The following FAT3 variants were observed in gnomAD, a reference collection of about 807,000 sequenced individuals.
The protein encoded by FAT3 is protocadherin Fat 3.
FAT3 carries 95 observed loss-of-function variants against 310.2 expected under a neutral mutation model. The ratio of observed to expected loss-of-function variants is 0.31; its 90% CI spans 0.26 to 0.36. The LOEUF is 0.36. FAT3 is among the 10% of genes least tolerant of loss of function. The pLI is 1.00. For missense variants in FAT3, 5,408 were observed against 5,715.6 expected (o/e 0.95, Z 1.74); for synonymous variants, 2,314 against 2,192.9 (o/e 1.06, Z -1.54).
chr11:92,388,320 T>G (rs1949673921), intron 2 of FAT3, among the ~76,000 whole-genome samples: 2 of 152,154 alleles, frequency 1.3e-5, no homozygotes, highest in African/African-American at 2.4e-5. Context: ...ATTTTAAATA[T>G]GTCCAGTCTT....
intron 4 of FAT3, among the ~76,000 whole-genome samples, chr11:92,719,359 T>A (rs1944787832): frequency 6.6e-6 from 1 of 152,208 alleles, no homozygotes; most frequent in Non-Finnish European, 1.5e-5. Flanking sequence ...TTTATCTTTC[T>A]TTTAATTTTA....
chr11:92,676,046 A>G (rs1383149011), intron 3 of FAT3, among the ~76,000 whole-genome samples: 1 of 152,186 alleles, frequency 6.6e-6, no homozygotes, highest in Non-Finnish European at 1.5e-5. Context: ...GGTGGCAATG[A>G]GCATAGAGAT....
At chr11:92,707,066 T>C (rs561036272) in intron 4 of FAT3, among the ~76,000 whole-genome samples, 4 of 152,324 alleles carry the variant, frequency 2.6e-5, no homozygotes, top group South Asian at 2.1e-4. Flanking sequence ...CAAACACTTA[T>C]ATATATTGGG....
intron 1 of FAT3, among the ~76,000 whole-genome samples, chr11:92,302,628 T>A (rs1402827404): frequency 6.6e-6 from 1 of 152,126 alleles, no homozygotes; most frequent in Non-Finnish European, 1.5e-5. Context: ...ACAAACAGTT[T>A]CTGCATTTAT....
At chr11:92,566,977 A>G (rs1011904437) in intron 3 of FAT3, among the ~76,000 whole-genome samples, 17 of 152,154 alleles carry the variant, frequency 1.1e-4, no homozygotes, top group African/African-American at 2.2e-4. Flanking sequence ...ATAGGCATGG[A>G]CAAGGACTTC....
intron 3 of FAT3, among the ~76,000 whole-genome samples, chr11:92,544,316 A>G (rs1033144022): frequency 1.3e-5 from 2 of 152,320 alleles, no homozygotes; most frequent in South Asian, 2.1e-4. Flanking sequence ...TAGGGTAACT[A>G]TAGTTAACAG....
chr11:92,719,720 CTGTGTGTGTGTGTGTGTG>C (rs751825746), intron 4 of FAT3, among the ~76,000 whole-genome samples: 32 of 136,774 alleles, frequency 2.3e-4, no homozygotes, highest in Admixed American at 4.4e-4. Flanking sequence ...AGAACCAACT[CTGTGTGTGTGTGTGTGTG>C]TGTGTGTGTG....
intron 3 of FAT3, among the ~76,000 whole-genome samples, chr11:92,658,159 A>G (rs1942646577): frequency 6.6e-6 from 1 of 152,214 alleles, no homozygotes; most frequent in Admixed American, 6.5e-5. Context: ...GCACATTTCA[A>G]TATGAATGTT....
intron 3 of FAT3, among the ~76,000 whole-genome samples, chr11:92,587,766 G>A (rs186104817): frequency 2.6e-5 from 4 of 151,888 alleles, no homozygotes; most frequent in Admixed American, 2.0e-4. Context: ...AATATGGAAC[G>A]TGTTCCTCCT....
At chr11:92,838,088 A>G (rs1478427693) in intron 17 of FAT3, among the ~76,000 whole-genome samples, 1 of 152,166 alleles carries the variant, frequency 6.6e-6, no homozygotes, top group Non-Finnish European at 1.5e-5. Context: ...TCCCCACTTT[A>G]TAATGGAAAG....
chr11:92,412,746 A>AACACACACATATATATAT, intron 2 of FAT3, among the ~76,000 whole-genome samples: 1 of 18,072 alleles, frequency 5.5e-5, no homozygotes, highest in Admixed American at 9.1e-4. Flanking sequence ...TATATATATA[A>AACACACACATATATATAT]ATATACATAC....
At chr11:92,373,301 T>G (rs980286484) in intron 2 of FAT3, among the ~76,000 whole-genome samples, 3 of 152,190 alleles carry the variant, frequency 2.0e-5, no homozygotes, top group African/African-American at 7.2e-5. Context: ...AGGTAGGTAC[T>G]CTTACTGCTC....
chr11:92,458,767 T>C (rs1323263384), intron 2 of FAT3, among the ~76,000 whole-genome samples: 1 of 152,172 alleles, frequency 6.6e-6, no homozygotes, highest in Non-Finnish European at 1.5e-5. Context: ...AGCACAATTT[T>C]GCTTGATCTT....
intron 6 of FAT3, among the ~76,000 whole-genome samples, chr11:92,766,101 G>T (rs577118162): frequency 1.3e-5 from 2 of 152,220 alleles, no homozygotes; most frequent in South Asian, 4.1e-4. Flanking sequence ...ATAGACCCTG[G>T]GAGCCAACCT....
intron 1 of FAT3, among the ~76,000 whole-genome samples, chr11:92,254,241 G>A (rs529018403): frequency 6.6e-6 from 1 of 152,034 alleles, no homozygotes; most frequent in Admixed American, 6.6e-5. Context: ...TTCACACCAG[G>A]GGCTGTGTTC....
Position 92,322,831 on chromosome 11 carries a change from G to T in FAT3, c.-17-29265G>T, listed in dbSNP as rs567078613. ...TCTCGCTGTTCCCACCACATCTGCC[G>T]TGACTTCCTCCTCTGAAGTCTTGAG... On this transcript the variant is annotated intron_variant, in intron 1 of 27. Coordinates refer to ENST00000525166, the MANE Select transcript of FAT3 (RefSeq NM_001367949.2). Among the ~76,000 whole-genome samples the T allele has an allele frequency of 1.6e-3, 249 of 152,132 alleles. 1 individual carries two copies. The highest frequency in any genetic ancestry group is 5.8e-3 in the African/African-American group (242 of 41,506).
At chr11:92,240,198 A>ATTTTTTTCAT (rs1290108998) in intron 1 of FAT3, among the ~76,000 whole-genome samples, 1 of 151,968 alleles carries the variant, frequency 6.6e-6, no homozygotes, top group Non-Finnish European at 1.5e-5. Flanking sequence ...TTAGTTTTAC[A>ATTTTTTTCAT]TTTTTTTCAT....
chr11:92,517,903 A>T (rs753744497), intron 2 of FAT3, among the ~76,000 whole-genome samples: 7 of 152,204 alleles, frequency 4.6e-5, no homozygotes, highest in Non-Finnish European at 1.0e-4. Context: ...GAGAAATGCA[A>T]ATTAAAACCA....
chr11:92,462,048 T>C (rs1172304317), intron 2 of FAT3, among the ~76,000 whole-genome samples: 1 of 152,196 alleles, frequency 6.6e-6, no homozygotes, highest in Non-Finnish European at 1.5e-5. Context: ...GCATGAATAT[T>C]TTTTTGTGGT....
Sources: gnomAD v4.1 joint callset for allele counts (sites outside exome capture counted in the v4.1 genomes callset) on GRCh38, gnomAD v4.1.1 for gene constraint, MANE v1.5 for transcripts, NCBI Gene and HGNC (gene_info 2026-07-23, HGNC 2026-07-21) for gene names.